The following TIMD4 variants were observed in gnomAD, a reference collection of about 807,000 sequenced individuals.
TIMD4 encodes the protein T-cell immunoglobulin and mucin domain-containing protein 4.
TIMD4 carries 31 observed loss-of-function variants against 41.2 expected under a neutral mutation model. The ratio of observed to expected loss-of-function variants is 0.75; its 90% CI spans 0.57 to 1.01. The LOEUF (loss-of-function observed/expected upper bound fraction) is 1.01. Among genes scored for constraint, TIMD4 ranks in the 50% least tolerant of loss-of-function variants. The pLI is 0.00. For synonymous variants in TIMD4, 204 were observed against 177.1 expected, an observed-to-expected ratio of 1.15 and a Z score of -1.21; for missense variants, 479 against 472.5, an observed-to-expected ratio of 1.01 and a Z score of -0.13.
intron 5 of TIMD4, among the ~76,000 whole-genome samples, chr5:156,940,238 G>T (rs939863475): frequency 3.3e-5 from 5 of 152,220 alleles, no homozygotes; most frequent in Non-Finnish European, 1.5e-5. Context: ...GATTGCAGAC[G>T]GAGTCTCACT....
intron 7 of TIMD4, among the ~76,000 whole-genome samples, chr5:156,921,116 A>G (rs1759227789): frequency 1.2e-5 from 1 of 80,258 alleles, no homozygotes; most frequent in Non-Finnish European, 2.3e-5. Context: ...GCATTTTAAA[A>G]CTTTTGGGGG....
intron 2 of TIMD4, among the ~76,000 whole-genome samples, chr5:156,952,022 G>A (rs1002640607): frequency 7.9e-5 from 12 of 152,216 alleles, no homozygotes; most frequent in African/African-American, 2.9e-4. Flanking sequence ...AGGTGCAGTG[G>A]TTCACACCTG....
chr5:156,936,338 A>T (rs1759539280), intron 5 of TIMD4, among the ~76,000 whole-genome samples: 1 of 152,240 alleles, frequency 6.6e-6, no homozygotes, highest in African/African-American at 2.4e-5. Flanking sequence ...AACAACAATA[A>T]TAATAAATGG....
At chr5:156,921,314 G>A (rs1403178868) in intron 7 of TIMD4, among the ~76,000 whole-genome samples, 1 of 151,902 alleles carries the variant, frequency 6.6e-6, no homozygotes, top group Non-Finnish European at 1.5e-5. Context: ...TTGCTTTTAG[G>A]GAACATATAA....
chr5:156,932,057 A>G (rs1759453392), intron 5 of TIMD4, among the ~76,000 whole-genome samples: 1 of 152,244 alleles, frequency 6.6e-6, no homozygotes, highest in Non-Finnish European at 1.5e-5. Flanking sequence ...TTAAAAATAC[A>G]TACAGAAATA....
intron 5 of TIMD4, among the ~76,000 whole-genome samples, chr5:156,927,185 T>C (rs1759363681): frequency 6.6e-6 from 1 of 152,228 alleles, no homozygotes; most frequent in Admixed American, 6.5e-5. Flanking sequence ...TAAAGTGTCA[T>C]GAGGACAGAG....
chr5:156,928,331 T>C (rs1321032390), intron 5 of TIMD4, among the ~76,000 whole-genome samples: 1 of 150,542 alleles, frequency 6.6e-6, no homozygotes, highest in African/African-American at 2.4e-5. Flanking sequence ...ATGGGCTGCA[T>C]GTTCAGAGAG....
intron 5 of TIMD4, among the ~76,000 whole-genome samples, chr5:156,942,556 GA>G (rs1759668501): frequency 6.6e-6 from 1 of 152,166 alleles, no homozygotes; most frequent in Non-Finnish European, 1.5e-5. Context: ...TGTGACCTTG[GA>G]TAAATCATTC....
chr5:156,927,460 G>C (rs189026254), intron 5 of TIMD4, among the ~76,000 whole-genome samples: 27 of 152,346 alleles, frequency 1.8e-4, no homozygotes, highest in Admixed American at 1.1e-3. Flanking sequence ...AGACAGGTGA[G>C]CAAGAGCCAA....
intron 5 of TIMD4, among the ~76,000 whole-genome samples, chr5:156,933,021 G>C (rs1398743200): frequency 1.3e-5 from 2 of 151,768 alleles, no homozygotes; most frequent in Non-Finnish European, 2.9e-5. Flanking sequence ...GAAAAGAAAA[G>C]AAAAGAAAAG....
chr5:156,920,357 T>C (rs758753676), intron 8 of TIMD4, 107 bp downstream of exon 8: 78 of 1,221,818 alleles, frequency 6.4e-5, no homozygotes, highest in Non-Finnish European at 7.8e-5. Flanking sequence ...TCCAACTCTA[T>C]GTGTAATCGT....
At chr5:156,958,210 T>TGCA (rs1253278483) in intron 1 of TIMD4, among the ~76,000 whole-genome samples, 1 of 151,778 alleles carries the variant, frequency 6.6e-6, no homozygotes, top group Non-Finnish European at 1.5e-5. Flanking sequence ...AGGCAGAGGT[T>TGCA]GCAGTTAGCC....
intron 7 of TIMD4, 93 bp from the exon 8 acceptor site, chr5:156,920,596 C>G: frequency 7.6e-7 from 1 of 1,321,240 alleles, no homozygotes; most frequent in South Asian, 1.2e-5. Flanking sequence ...CCGCAAAGAG[C>G]AGATATGGGC....
At position 156,928,661 on chromosome 5, in the gene TIMD4, G is replaced by T. The variant is rs188464259; in HGVS notation, c.845-2349C>A. On this transcript the variant is annotated intron_variant, in intron 5 of 8. Transcript: ENST00000274532. ...CAAAAGGATAAATGTGGTAGATTTT[G>T]TAAGGCTCATAATTTGGTATCAGAG... Among the ~76,000 whole-genome samples, 405 of 152,274 alleles carry T rather than the reference G, an allele frequency of 2.7e-3. 6 individuals are homozygous for T. The highest frequency in any genetic ancestry group is 0.014 in the Middle Eastern group (4 of 294).
intron 5 of TIMD4, among the ~76,000 whole-genome samples, chr5:156,939,080 C>T (rs1365389005): frequency 1.3e-5 from 2 of 152,200 alleles, no homozygotes; most frequent in Non-Finnish European, 2.9e-5. Flanking sequence ...CTTCACCTCT[C>T]TCTTCATCTC....
chr5:156,938,197 A>G (rs1759574940), intron 5 of TIMD4, among the ~76,000 whole-genome samples: 1 of 152,242 alleles, frequency 6.6e-6, no homozygotes, highest in African/African-American at 2.4e-5. Context: ...CCTAAGGACG[A>G]GTGCTCACTC....
At chr5:156,924,256 G>A (rs577756015) in intron 6 of TIMD4, 47 of 381,168 alleles carry the variant, frequency 1.2e-4, no homozygotes, top group Non-Finnish European at 2.2e-4. Flanking sequence ...CTAAGTTCTC[G>A]AGGGCTAATC....
chr5:156,959,493 C>T (rs1760040241), intron 1 of TIMD4, among the ~76,000 whole-genome samples: 2 of 151,994 alleles, frequency 1.3e-5, no homozygotes, highest in African/African-American at 4.8e-5. Flanking sequence ...TAAAAGTATC[C>T]CTGAGTAAAG....
intron 2 of TIMD4, among the ~76,000 whole-genome samples, chr5:156,952,025 C>A (rs1366388797): frequency 6.6e-5 from 10 of 152,070 alleles, no homozygotes; most frequent in Admixed American, 6.5e-4. Flanking sequence ...TGCAGTGGTT[C>A]ACACCTGTAA....
Sources: gnomAD v4.1 joint callset for allele counts (sites outside exome capture counted in the v4.1 genomes callset) on GRCh38, gnomAD v4.1.1 for gene constraint, MANE v1.5 for transcripts, NCBI Gene and HGNC (gene_info 2026-07-23, HGNC 2026-07-21) for gene names.